Variants in EHBP1 observed in about 807,000 individuals in gnomAD.
EHBP1 encodes the protein EH domain binding protein 1.
EHBP1 carries 55 observed loss-of-function variants against 144.0 expected under a neutral mutation model. The ratio of observed to expected loss-of-function variants is 0.38; its 90% CI spans 0.31 to 0.48. The LOEUF (loss-of-function observed/expected upper bound fraction) is 0.48, where lower values mean the gene tolerates loss of function less well. EHBP1 is among the 20% of genes least tolerant of loss of function. The probability of loss-of-function intolerance (pLI) is 0.98; values close to 1 mark genes in which losing one functional copy is unlikely to be tolerated. For missense variants in EHBP1, 1,200 were observed against 1,364.2 expected (o/e 0.88, Z 1.90); for synonymous variants, 469 against 472.7 (o/e 0.99, Z 0.10).
intron 10 of EHBP1, among the ~76,000 whole-genome samples, chr2:62,938,601 A>G (rs1229638389): frequency 6.6e-6 from 1 of 152,174 alleles, no homozygotes; most frequent in Non-Finnish European, 1.5e-5. Flanking sequence ...AATTCATTAT[A>G]TTTGCAAGTG....
At chr2:62,791,733 T>A (rs2043180008) in intron 5 of EHBP1, among the ~76,000 whole-genome samples, 1 of 151,990 alleles carries the variant, frequency 6.6e-6, no homozygotes, top group Non-Finnish European at 1.5e-5. Flanking sequence ...TACTTTAAGT[T>A]TTCTTTATAG....
intron 14 of EHBP1, among the ~76,000 whole-genome samples, chr2:62,976,455 G>A (rs537207266): frequency 6.6e-6 from 1 of 152,218 alleles, no homozygotes; most frequent in Admixed American, 6.5e-5. Flanking sequence ...ATACATCAAT[G>A]TCTCACCAAG....
intron 10 of EHBP1, among the ~76,000 whole-genome samples, chr2:62,876,417 G>A (rs1486426586): frequency 6.6e-6 from 1 of 152,192 alleles, no homozygotes; most frequent in Non-Finnish European, 1.5e-5. Context: ...TTTCTTTTCA[G>A]AAAAGCAAAT....
chr2:62,797,848 G>T (rs541532184), intron 5 of EHBP1, among the ~76,000 whole-genome samples: 79 of 152,238 alleles, frequency 5.2e-4, no homozygotes, highest in Admixed American at 5.2e-4. Context: ...GTAAACAGGG[G>T]TAATAGTACC....
intron 2 of EHBP1, among the ~76,000 whole-genome samples, chr2:62,742,543 A>G (rs377373380): frequency 6.6e-6 from 1 of 152,092 alleles, no homozygotes; most frequent in Non-Finnish European, 1.5e-5. Context: ...TCTGAAAAGC[A>G]TTTGTCATAT....
intron 7 of EHBP1, among the ~76,000 whole-genome samples, chr2:62,847,515 A>G (rs1334088803): frequency 6.6e-6 from 1 of 152,212 alleles, no homozygotes; most frequent in Admixed American, 6.5e-5. Context: ...CTTAGTCAAA[A>G]TTTAAAACTT....
upstream of EHBP1, among the ~76,000 whole-genome samples, chr2:62,702,179 A>G (rs2034297211): frequency 6.6e-6 from 1 of 152,234 alleles, no homozygotes; most frequent in African/African-American, 2.4e-5. Flanking sequence ...GAGAAGATTT[A>G]AAGTTTTTGG....
chr2:62,870,842 C>G (rs1443524742), intron 9 of EHBP1, among the ~76,000 whole-genome samples: 2 of 149,728 alleles, frequency 1.3e-5, no homozygotes, highest in Non-Finnish European at 3.0e-5. Context: ...AGTTGTGTTT[C>G]TCATCTTTTC....
intron 5 of EHBP1, among the ~76,000 whole-genome samples, chr2:62,806,380 T>A (rs975773337): frequency 1.3e-5 from 2 of 152,252 alleles, no homozygotes; most frequent in East Asian, 3.9e-4. Context: ...TGTTTTTTTT[T>A]GTTTTTTTGA....
intron 10 of EHBP1, among the ~76,000 whole-genome samples, chr2:62,930,252 CAAAACAAAACAAA>C (rs1178095243): frequency 9.9e-5 from 15 of 151,254 alleles, no homozygotes; most frequent in African/African-American, 3.6e-4. Flanking sequence ...TGTCTCAAGA[CAAAACAAAACAAA>C]AAAACAAAAA....
intron 2 of EHBP1, among the ~76,000 whole-genome samples, chr2:62,707,545 T>C (rs1366164439): frequency 6.6e-6 from 1 of 152,188 alleles, no homozygotes; most frequent in East Asian, 1.9e-4. Context: ...CTAAATACAA[T>C]AGATTTGGTT....
At chr2:62,850,128 T>A (rs2048574768) in intron 7 of EHBP1, among the ~76,000 whole-genome samples, 1 of 152,152 alleles carries the variant, frequency 6.6e-6, no homozygotes, top group African/African-American at 2.4e-5. Context: ...ATCACATATT[T>A]ATGGGTTTAA....
At chr2:62,747,484 T>G (rs1249244962) in intron 3 of EHBP1, 32 bp downstream of exon 3, 1 of 1,537,950 alleles carries the variant, frequency 6.5e-7, no homozygotes, top group Admixed American at 1.8e-5. Context: ...CTTACCTAAT[T>G]GTTGAATACA....
upstream of EHBP1, among the ~76,000 whole-genome samples, chr2:62,704,599 A>G (rs2034390423): frequency 6.6e-6 from 1 of 151,932 alleles, no homozygotes; most frequent in Admixed American, 6.6e-5. Context: ...CTGTCTGCCC[A>G]TAGCTTGCTG....
intron 19 of EHBP1, among the ~76,000 whole-genome samples, chr2:63,022,605 G>A (rs1376840338): frequency 6.6e-6 from 1 of 152,018 alleles, no homozygotes; most frequent in Non-Finnish European, 1.5e-5. Flanking sequence ...ATGAGCCACC[G>A]CACCTGGCCA....
chr2:62,723,471 G>A (rs1309215280), intron 2 of EHBP1, among the ~76,000 whole-genome samples: 1 of 151,718 alleles, frequency 6.6e-6, no homozygotes, highest in African/African-American at 2.4e-5. Context: ...GGGGTGTTTA[G>A]CCCATTTACA....
Position 62,806,416 on chromosome 2 carries a change from G to T in EHBP1, c.313-19671G>T, listed in dbSNP as rs529666509. ...GGCGGAGTCTTGCTGTGTCACCCAGGTTGGAATGCAGTGGCGCAATCACAG... is the reference window on the plus strand; with the variant it reads ...GGCGGAGTCTTGCTGTGTCACCCAGTTTGGAATGCAGTGGCGCAATCACAG... On this transcript the variant is annotated intron_variant, in intron 5 of 22. Transcript: ENST00000431489. 7.2e-5 allele frequency among the ~76,000 whole-genome samples: 11 copies of T among 152,034 alleles called. No individual in the cohort carries two copies. In the South Asian group the frequency reaches 2.3e-3, roughly 32 times the overall value.
intron 14 of EHBP1, among the ~76,000 whole-genome samples, chr2:62,962,876 A>G (rs1019737668): frequency 3.3e-5 from 5 of 152,254 alleles, no homozygotes; most frequent in Admixed American, 1.3e-4. Context: ...TTACAATGCT[A>G]TTATAAAACA....
At chr2:63,021,457 T>TG (rs1246666402) in intron 19 of EHBP1, among the ~76,000 whole-genome samples, 1 of 152,186 alleles carries the variant, frequency 6.6e-6, no homozygotes, top group East Asian at 1.9e-4. Context: ...TTATCTGAAT[T>TG]CCTACACTTA....
Sources: allele counts gnomAD v4.1 joint callset (sites outside exome capture counted in the v4.1 genomes callset), GRCh38; gene constraint gnomAD v4.1.1; transcripts MANE v1.5; gene names NCBI Gene and HGNC (gene_info 2026-07-23, HGNC 2026-07-21).